The following ABRACL variants were observed in gnomAD, a reference collection of about 807,000 sequenced individuals.
ABRACL encodes ABRA C-terminal like, also known as costars family protein ABRACL.
In ABRACL, 4 loss-of-function variants were observed where a neutral mutation model predicts 7.0. The observed-to-expected ratio is 0.57, with a 90% CI of 0.28 to 1.30. ABRACL has a LOEUF of 1.30. ABRACL is among the 50% of genes most tolerant of loss of function. The pLI is 0.10. For missense variants in ABRACL, 104 were observed against 97.3 expected, an observed-to-expected ratio of 1.07 and a Z score of -0.29; for synonymous variants, 30 against 36.0, an observed-to-expected ratio of 0.83 and a Z score of 0.60.
At chr6:139,037,528 C>T (rs1422015840) in intron 2 of ABRACL, among the ~76,000 whole-genome samples, 5 of 151,498 alleles carry the variant, frequency 3.3e-5, no homozygotes, top group South Asian at 2.1e-4. Context: ...CCCAAAGTGT[C>T]GGGATTACAG....
Position 139,041,531 on chromosome 6 carries a change from A to ATATTTTTTTTT in ABRACL, c.62-1187_62-1186insATTTTTTTTTT, listed in dbSNP as rs748288046. ...TGTGTGTGTATATATATATATATAT[A>ATATTTTTTTTT]TTTTTTTTTAGGAGAGACATGGTCT... is the stretch of plus-strand genomic sequence containing the variant. On this transcript the variant is annotated intron_variant, in intron 2 of 2. Transcript: ENST00000367660. 2.8e-3 allele frequency among the ~76,000 whole-genome samples: 359 copies of ATATTTTTTTTT among 126,030 alleles called. 7 individuals carry two copies. The highest frequency in any genetic ancestry group is 7.0e-3 in the East Asian group (30 of 4,308). 82.7% of individuals were successfully genotyped at this position (126,030 alleles called of 152,430 possible).
In ABRACL at chr6:139,042,853, C is replaced by T. The variant is rs759227190; in HGVS notation, c.196C>T (p.Leu66Phe). The change falls in exon 3 of 3, where the codon CTT becomes TTT. Residue 66 changes from leucine to phenylalanine, a missense_variant. Leu to Phe is a conservative substitution (Grantham distance 22). Transcript: ENST00000367660. ...RKIVTYPGEL[L>F]LQGVHDDVDI... ...GATTGTAACATATCCAGGAGAGCTGCTTCTGCAAGGTGTTCATGATGATGT... is the reference window on the plus strand; with the variant it reads ...GATTGTAACATATCCAGGAGAGCTGTTTCTGCAAGGTGTTCATGATGATGT... 1.2e-6 allele frequency: 2 copies of T among 1,613,714 alleles called. No homozygotes were observed. The highest frequency in any genetic ancestry group is 2.2e-5 in the South Asian group (2 of 90,976).
In ABRACL at chr6:139,031,086, G is replaced by T. The variant is rs1002500115; in HGVS notation, c.-7+2211G>T. On this transcript the variant is annotated intron_variant, in intron 1 of 2. Transcript: ENST00000367660. The stretch of plus-strand genomic sequence containing the variant: ...GGAGGTGGGAGGAAGGAGCGAAGAA[G>T]GGTGTTAAAGAGATAACATCTTTCC... Among the ~76,000 whole-genome samples, 3 of 152,196 alleles carry T rather than the reference G, an allele frequency of 2.0e-5. No homozygotes were observed. The South Asian group carries it at 6.2e-4, about 32-fold the overall frequency.
intron 2 of ABRACL, chr6:139,034,574 C>T (rs1208065425): frequency 3.0e-6 from 2 of 664,008 alleles, no homozygotes; most frequent in African/African-American, 3.6e-5. Flanking sequence ...CTGCCTTGTT[C>T]TGCCATCATT....
chr6:139,039,636 A>G (rs545785347), intron 2 of ABRACL, among the ~76,000 whole-genome samples: 10 of 152,308 alleles, frequency 6.6e-5, no homozygotes, highest in East Asian at 1.9e-4. Context: ...CACTGTTACA[A>G]AGGCAGAATC....
At chr6:139,036,626 T>C (rs955427983) in intron 2 of ABRACL, among the ~76,000 whole-genome samples, 3 of 152,178 alleles carry the variant, frequency 2.0e-5, no homozygotes, top group Non-Finnish European at 4.4e-5. Flanking sequence ...AACTGTGTAG[T>C]ACAAGTGGTA....
chr6:139,035,235 T>C (rs555010497), intron 2 of ABRACL, among the ~76,000 whole-genome samples: 98 of 152,352 alleles, frequency 6.4e-4, no homozygotes, highest in South Asian at 1.4e-3. Context: ...GCCACAAATT[T>C]AGTGATGTAA....
intron 2 of ABRACL, among the ~76,000 whole-genome samples, chr6:139,038,344 G>A (rs1786196032): frequency 6.6e-6 from 1 of 152,178 alleles, no homozygotes; most frequent in Admixed American, 6.5e-5. Context: ...TAATTTTGCA[G>A]CTTCATCAGG....
intron 2 of ABRACL, 75 bp from the exon 3 acceptor site, chr6:139,042,644 G>T (rs1271611812): frequency 3.6e-6 from 5 of 1,390,260 alleles, no homozygotes; most frequent in South Asian, 1.4e-5. Flanking sequence ...ATTTATTAAA[G>T]ATTTTGTAAG....
intron 2 of ABRACL, among the ~76,000 whole-genome samples, chr6:139,038,036 C>T (rs10457682): frequency 6.6e-6 from 1 of 152,168 alleles, no homozygotes; most frequent in African/African-American, 2.4e-5. Flanking sequence ...CTCAGCCTTC[C>T]AAAGTGCTGG....
chr6:139,039,994 G>T (rs1396939793), intron 2 of ABRACL, among the ~76,000 whole-genome samples: 1 of 151,998 alleles, frequency 6.6e-6, no homozygotes, highest in Non-Finnish European at 1.5e-5. Flanking sequence ...GGCTTGGAAG[G>T]CTCAAGAGGA....
At chr6:139,034,499 A>G in intron 2 of ABRACL, 1 of 1,300,598 alleles carries the variant, frequency 7.7e-7, no homozygotes, top group Non-Finnish European at 1.0e-6. Context: ...ATTTGACTGC[A>G]TTGAAATTTG....
intron 1 of ABRACL, among the ~76,000 whole-genome samples, chr6:139,032,127 AT>A (rs544150811): frequency 8.7e-5 from 13 of 148,926 alleles, no homozygotes; most frequent in Non-Finnish European, 1.2e-4. Flanking sequence ...CGCCCGGCTA[AT>A]TTTTTTTTTG....
chr6:139,037,935 C>T (rs1039816488), intron 2 of ABRACL, among the ~76,000 whole-genome samples: 1 of 151,932 alleles, frequency 6.6e-6, no homozygotes, highest in African/African-American at 2.4e-5. Context: ...TGCCACCACC[C>T]CCAGCTAATT....
chr6:139,033,357 T>A (rs1303328615), intron 1 of ABRACL, among the ~76,000 whole-genome samples: 1 of 152,230 alleles, frequency 6.6e-6, no homozygotes, highest in Non-Finnish European at 1.5e-5. Flanking sequence ...GAGCTATTTA[T>A]TGCAATCGGA....
intron 2 of ABRACL, chr6:139,034,526 C>T (rs1162035179): frequency 2.9e-6 from 3 of 1,038,358 alleles, no homozygotes; most frequent in African/African-American, 1.6e-5. Flanking sequence ...GAATCATGTT[C>T]AAATTTTTAC....
chr6:139,042,671 G>T, intron 2 of ABRACL, 48 bp from the exon 3 acceptor site: 5 of 1,538,344 alleles, frequency 3.3e-6, no homozygotes, highest in Non-Finnish European at 3.6e-6. Flanking sequence ...ATACTTGAGG[G>T]TATGAAACAG....
Position 139,032,230 on chromosome 6 carries a change from C to T in ABRACL, c.-6-1925C>T, listed in dbSNP as rs368973302. Among the ~76,000 whole-genome samples the T allele has an allele frequency of 1.7e-4, 26 of 152,256 alleles. No homozygotes were observed. In the East Asian group the frequency reaches 4.1e-3, roughly 24 times the overall value. Reference sequence around the variant, plus strand: ...CCACCCGCCTCGGCCTCCCAAAGTGCTGGGATTACAGGCGCGAGCCACCGC... The same window carrying T: ...CCACCCGCCTCGGCCTCCCAAAGTGTTGGGATTACAGGCGCGAGCCACCGC... On this transcript the variant is annotated intron_variant, in intron 1 of 2. Transcript: ENST00000367660.
chr6:139,038,889 A>G (rs1364088015), intron 2 of ABRACL, among the ~76,000 whole-genome samples: 2 of 152,246 alleles, frequency 1.3e-5, no homozygotes, highest in African/African-American at 4.8e-5. Context: ...TTGTAAAACA[A>G]TAATACTCTA....
Sources: gnomAD v4.1 joint callset for allele counts (sites outside exome capture counted in the v4.1 genomes callset) on GRCh38, gnomAD v4.1.1 for gene constraint, MANE v1.5 for transcripts, NCBI Gene and HGNC (gene_info 2026-07-23, HGNC 2026-07-21) for gene names.